Variants in DOCK2 observed in about 807,000 individuals in gnomAD.
The protein encoded by DOCK2 is dedicator of cytokinesis 2, also known as dedicator of cytokinesis protein 2.
A neutral mutation model predicts 248.9 loss-of-function variants in DOCK2; 87 were observed. That is an observed-to-expected ratio of 0.35 (90% CI 0.29 to 0.42). DOCK2 has a LOEUF of 0.42. Among genes scored for constraint, DOCK2 ranks in the 10% least tolerant of loss-of-function variants. The probability of loss-of-function intolerance (pLI) is 1.00; values close to 1 mark genes in which losing one functional copy is unlikely to be tolerated. For missense variants in DOCK2, 1,747 were observed against 2,300.2 expected (o/e 0.76, Z 4.92); for synonymous variants, 805 against 821.6 (o/e 0.98, Z 0.35).
At chr5:169,824,744 A>C (rs1768729991) in intron 26 of DOCK2, among the ~76,000 whole-genome samples, 1 of 152,246 alleles carries the variant, frequency 6.6e-6, no homozygotes. Context: ...CACCAAAAGC[A>C]ATGGCAACGA....
intron 25 of DOCK2, 133 bp downstream of exon 25, chr5:169,761,758 G>A: frequency 1.7e-6 from 1 of 586,356 alleles, no homozygotes; most frequent in Non-Finnish European, 2.8e-6. Flanking sequence ...CCCTTGGTCT[G>A]CATAAATGCA....
intron 27 of DOCK2, among the ~76,000 whole-genome samples, chr5:169,954,860 C>T (rs557478546): frequency 1.5e-4 from 23 of 152,310 alleles, no homozygotes; most frequent in African/African-American, 5.5e-4. Context: ...AACCCAATGA[C>T]CAAATCAACA....
At chr5:169,738,773 C>T (rs1298947630) in intron 22 of DOCK2, among the ~76,000 whole-genome samples, 1 of 151,984 alleles carries the variant, frequency 6.6e-6, no homozygotes, top group Non-Finnish European at 1.5e-5. Flanking sequence ...AAATAGTTTA[C>T]CTAAAGATGA....
At chr5:169,648,502 C>T (rs1004292080) in intron 1 of DOCK2, among the ~76,000 whole-genome samples, 13 of 152,126 alleles carry the variant, frequency 8.5e-5, no homozygotes, top group African/African-American at 3.1e-4. Flanking sequence ...CAGCAAGAGG[C>T]CTAAAGCACC....
intron 29 of DOCK2, among the ~76,000 whole-genome samples, chr5:169,993,445 ATTAC>A (rs1778259389): frequency 6.6e-6 from 1 of 152,190 alleles, no homozygotes; most frequent in South Asian, 2.1e-4. Flanking sequence ...AAAAGGTTAC[ATTAC>A]TGCTATTTCA....
chr5:169,922,518 T>C (rs1366511886), intron 27 of DOCK2, among the ~76,000 whole-genome samples: 1 of 152,222 alleles, frequency 6.6e-6, no homozygotes, highest in Non-Finnish European at 1.5e-5. Flanking sequence ...AAGTAGATCT[T>C]GGCCATCACC....
At chr5:169,834,633 C>T (rs1409407869) in intron 26 of DOCK2, among the ~76,000 whole-genome samples, 1 of 141,960 alleles carries the variant, frequency 7.0e-6, no homozygotes, top group Non-Finnish European at 1.5e-5. Flanking sequence ...AACCAGATCA[C>T]CCTGTAGTAA....
chr5:169,846,587 T>TATAC (rs1430813284), intron 27 of DOCK2, among the ~76,000 whole-genome samples: 4 of 126,472 alleles, frequency 3.2e-5, no homozygotes, highest in African/African-American at 1.4e-4. Context: ...AGAAAGTGTA[T>TATAC]ATATATATAT....
intron 9 of DOCK2, among the ~76,000 whole-genome samples, chr5:169,691,940 C>T (rs1760327840): frequency 6.6e-6 from 1 of 151,842 alleles, no homozygotes; most frequent in African/African-American, 2.4e-5. Context: ...ACTGCAACCT[C>T]CACCTCCTGG....
intron 40 of DOCK2, among the ~76,000 whole-genome samples, chr5:170,049,068 G>A (rs112875521): frequency 1.8e-3 from 280 of 152,284 alleles, no homozygotes; most frequent in African/African-American, 5.8e-3. Flanking sequence ...CTGGCTGTAC[G>A]TCAGAATCCC....
In DOCK2 at chr5:169,702,223, C is replaced by T. The variant is rs1035241808; in HGVS notation, c.1259-80C>T. ...ATCCAGGTGGGAGAGCTTCTTCTCA[C>T]CCTCCATCCCCTCTAGTTAGTCAGC... On this transcript the variant is annotated intron_variant, in intron 13 of 51. Coordinates refer to ENST00000520908, the MANE Select transcript of DOCK2 (RefSeq NM_004946.3). 7.0e-5 allele frequency: 107 copies of T among 1,528,108 alleles called. 1 individual carries two copies. The South Asian group carries it at 1.2e-3, about 17-fold the overall frequency. 94.7% of individuals were successfully genotyped at this position (1,528,108 alleles called of 1,614,324 possible). A position where few individuals can be genotyped will look rare whatever the true frequency, so the allele number is the denominator to read the frequency against.
At chr5:170,068,071 A>G (rs745461091) in intron 45 of DOCK2, among the ~76,000 whole-genome samples, 1 of 152,208 alleles carries the variant, frequency 6.6e-6, no homozygotes, top group Non-Finnish European at 1.5e-5. Context: ...GAAATGATGT[A>G]TACTAATGGA....
At position 169,896,179 on chromosome 5, in the gene DOCK2, G is replaced by A. The variant is rs913711535; in HGVS notation, c.2799+55327G>A. On this transcript the variant is annotated intron_variant, in intron 27 of 51. Coordinates refer to ENST00000520908, the MANE Select transcript of DOCK2 (RefSeq NM_004946.3). ...GCCAGAAACCGTTGCTCCTGGGGTC[G>A]GGGGGCGGGGAGGCAGTCAGCAGTG... Among the ~76,000 whole-genome samples, 5 of 152,192 alleles carry A rather than the reference G, an allele frequency of 3.3e-5. No individual in the cohort carries two copies. The East Asian group carries it at 7.7e-4, about 24-fold the overall frequency.
intron 27 of DOCK2, chr5:169,881,443 C>G: frequency 6.4e-7 from 1 of 1,551,362 alleles, no homozygotes; most frequent in Non-Finnish European, 8.7e-7. Flanking sequence ...AAAGTTGCGC[C>G]TGCAAGACAG....
At chr5:169,704,759 A>ATGTGTGTGTG (rs56289708) in intron 14 of DOCK2, among the ~76,000 whole-genome samples, 8 of 139,900 alleles carry the variant, frequency 5.7e-5, no homozygotes, top group African/African-American at 2.2e-4. Flanking sequence ...CTCCATATAT[A>ATGTGTGTGTG]TGTGTGTGTG....
chr5:169,856,131 C>T (rs1375632276), intron 27 of DOCK2, among the ~76,000 whole-genome samples: 2 of 152,180 alleles, frequency 1.3e-5, no homozygotes, highest in African/African-American at 4.8e-5. Flanking sequence ...CCAGGTCTCT[C>T]TGTCAACATC....
chr5:169,637,365 C>T lies in DOCK2; in HGVS notation c.39C>T (p.Gly13=), dbSNP rs1333146070. 9 of 1,425,420 alleles carry T rather than the reference C, an allele frequency of 6.3e-6. No homozygotes were observed. The allele number at this position is 1,425,420 out of a possible 1,614,324, so 88.3% of individuals were successfully genotyped here. ...PWRKADKERH[G]VAIYNFQGSG... is the part of the protein sequence containing the mutation. Reference sequence around the variant, plus strand: ...GCAAAGCTGACAAGGAGCGGCACGGCGTGGGTAGGTGCGGGCCCCAGGGCG... The same window carrying T: ...GCAAAGCTGACAAGGAGCGGCACGGTGTGGGTAGGTGCGGGCCCCAGGGCG... Residue 13 remains glycine (G), a synonymous_variant, in exon 1 of 52, where the codon GGC becomes GGT. Transcript: ENST00000520908.
At chr5:169,758,113 A>G (rs765134629) in intron 23 of DOCK2, among the ~76,000 whole-genome samples, 1 of 152,188 alleles carries the variant, frequency 6.6e-6, no homozygotes, top group Non-Finnish European at 1.5e-5. Flanking sequence ...CATGGAGCCT[A>G]TGATCAGGGG....
intron 27 of DOCK2, among the ~76,000 whole-genome samples, chr5:169,968,285 T>C (rs1341170379): frequency 6.6e-6 from 1 of 152,228 alleles, no homozygotes; most frequent in Non-Finnish European, 1.5e-5. Flanking sequence ...AGAAGACCTT[T>C]GTCCTTTAAA....
Sources: gnomAD v4.1 joint callset for allele counts (sites outside exome capture counted in the v4.1 genomes callset) on GRCh38, gnomAD v4.1.1 for gene constraint, MANE v1.5 for transcripts, NCBI Gene and HGNC (gene_info 2026-07-23, HGNC 2026-07-21) for gene names.